RAB27B: variants seen among roughly 807,000 people sequenced by gnomAD.
The protein encoded by RAB27B is ras-related protein Rab-27B.
In RAB27B, 15 loss-of-function variants were observed where a neutral mutation model predicts 24.6. The ratio of observed to expected loss-of-function variants is 0.61; its 90% CI spans 0.41 to 0.94. The LOEUF (loss-of-function observed/expected upper bound fraction) is 0.94. Ranked by LOEUF, RAB27B falls within the 40% of genes least tolerant of loss-of-function variation. RAB27B has a pLI of 0.00. For missense variants in RAB27B, 261 were observed against 266.8 expected (o/e 0.98, Z 0.15); for synonymous variants, 105 against 92.5 (o/e 1.14, Z -0.78).
intron 2 of RAB27B, among the ~76,000 whole-genome samples, chr18:54,757,672 G>A (rs1908050731): frequency 6.6e-6 from 1 of 151,974 alleles, no homozygotes; most frequent in South Asian, 2.1e-4. Context: ...TGATAAAATT[G>A]GGACAAAAAA....
chr18:54,863,199 A>G (rs1487872011), intron 1 of RAB27B, among the ~76,000 whole-genome samples: 6 of 152,216 alleles, frequency 3.9e-5, no homozygotes, highest in African/African-American at 7.2e-5. Flanking sequence ...AAATACATAG[A>G]TTATTAAAGG....
intron 2 of RAB27B, among the ~76,000 whole-genome samples, chr18:54,819,531 C>CAAAAAAAAA (rs33940922): frequency 1.5e-5 from 1 of 65,180 alleles, no homozygotes; most frequent in African/African-American, 6.3e-5. Context: ...GACTCCATCT[C>CAAAAAAAAA]AAAAAAAAAA....
chr18:54,820,070 C>T (rs183141003), intron 2 of RAB27B, among the ~76,000 whole-genome samples: 130 of 152,146 alleles, frequency 8.5e-4, no homozygotes, highest in African/African-American at 2.9e-3. Flanking sequence ...AATAGTGCTG[C>T]GATAAACATA....
At chr18:54,723,620 A>C (rs2144976020) in intron 2 of RAB27B, among the ~76,000 whole-genome samples, 1 of 152,010 alleles carries the variant, frequency 6.6e-6, no homozygotes, top group African/African-American at 2.4e-5. Flanking sequence ...AGATAGCTAG[A>C]GAATTAGATA....
intron 2 of RAB27B, among the ~76,000 whole-genome samples, chr18:54,718,613 G>T (rs547492743): frequency 6.6e-6 from 1 of 152,120 alleles, no homozygotes; most frequent in South Asian, 2.1e-4. Context: ...AATCTAGTTT[G>T]CTTTTTCTTA....
At chr18:54,776,980 G>C (rs962516676) in intron 2 of RAB27B, among the ~76,000 whole-genome samples, 5 of 152,166 alleles carry the variant, frequency 3.3e-5, no homozygotes, top group Non-Finnish European at 7.3e-5. Context: ...GGGAGGCAGA[G>C]GTTGCAGTGA....
chr18:54,785,850 A>T (rs1041333714), intron 2 of RAB27B, among the ~76,000 whole-genome samples: 30 of 152,224 alleles, frequency 2.0e-4, no homozygotes, highest in African/African-American at 7.2e-4. Flanking sequence ...TGTCTTATTT[A>T]TCAGCCATCT....
rs140341497 is a variant in RAB27B at position 54,867,740 on chromosome 18, C to T, written c.-19-9827C>T. 7.2e-4 allele frequency among the ~76,000 whole-genome samples: 109 copies of T among 152,200 alleles called. 2 individuals are homozygous for T. The highest frequency in any genetic ancestry group is 2.1e-3 in the African/African-American group (89 of 41,516). On this transcript the variant is annotated intron_variant, in intron 1 of 5. Transcript: ENST00000262094. ...GATTACAGGCGTGAGCCACCATGCC[C>T]GGCCACCTGGTGCTTTTATGTCTTA... is the stretch of plus-strand genomic sequence containing the variant.
chr18:54,877,598 G>C lies in RAB27B; in HGVS notation c.13G>C (p.Asp5His), dbSNP rs750641827. MTDG[D>H]YDYLIKLLAL... Reference sequence around the variant, plus strand: ...CAAGACCATCACTATGACCGATGGAGACTATGATTATCTGATCAAACTCCT... The same window carrying C: ...CAAGACCATCACTATGACCGATGGACACTATGATTATCTGATCAAACTCCT... The change falls in exon 2 of 6, where the codon GAC (aspartate) becomes CAC (histidine). Residue 5 changes from aspartate to histidine, a missense_variant. Physicochemically the swap from Asp to His is moderately conservative, Grantham distance 81 (BLOSUM62 -1). Transcript: ENST00000262094. The C allele has an allele frequency of 6.4e-7, 1 of 1,564,070 alleles. No homozygotes were observed. Among genetic ancestry groups the C allele is most frequent in the South Asian group, 1.2e-5 (1 of 80,752 alleles).
intron 1 of RAB27B, among the ~76,000 whole-genome samples, chr18:54,852,128 T>A (rs1911611956): frequency 6.6e-6 from 1 of 152,156 alleles, no homozygotes; most frequent in South Asian, 2.1e-4. Flanking sequence ...TTGCAACACT[T>A]GTTACAAAGA....
At chr18:54,813,639 G>A (rs1187452814) in intron 2 of RAB27B, among the ~76,000 whole-genome samples, 1 of 152,124 alleles carries the variant, frequency 6.6e-6, no homozygotes, top group African/African-American at 2.4e-5. Flanking sequence ...AGTAGATGCT[G>A]GTGCCATGCT....
intron 2 of RAB27B, among the ~76,000 whole-genome samples, chr18:54,814,517 G>T (rs750430447): frequency 2.6e-5 from 4 of 152,128 alleles, no homozygotes; most frequent in Non-Finnish European, 5.9e-5. Context: ...TGATCCCACT[G>T]TATCTGAGTA....
At chr18:54,771,843 G>C (rs1217846413) in intron 2 of RAB27B, among the ~76,000 whole-genome samples, 1 of 152,084 alleles carries the variant, frequency 6.6e-6, no homozygotes, top group Non-Finnish European at 1.5e-5. Flanking sequence ...AGCAGCCTTG[G>C]ATACTGTGAT....
chr18:54,808,217 T>TCACC lies in RAB27B; in HGVS notation c.-19-69348_-19-69347insCCCA, dbSNP rs552585651. Among the ~76,000 whole-genome samples, 60 of 152,322 alleles carry TCACC rather than the reference T, an allele frequency of 3.9e-4. 1 individual carries two copies. The highest frequency in any genetic ancestry group is 1.4e-3 in the African/African-American group (58 of 41,582). ...GGTAACACACATTCCCTGTATCTGA[T>TCACC]CAGTTTCCCTCTTACTCAGGCTTGG... is the stretch of plus-strand genomic sequence containing the variant. On this transcript the variant is annotated intron_variant, in intron 2 of 4. Transcript: ENST00000586570.
intron 2 of RAB27B, among the ~76,000 whole-genome samples, chr18:54,822,694 TTCTTC>T (rs1351501445): frequency 1.3e-4 from 20 of 150,184 alleles, no homozygotes; most frequent in Admixed American, 1.3e-3. Flanking sequence ...TTTATAACTT[TTCTTC>T]TCTTTAACTA....
intron 2 of RAB27B, among the ~76,000 whole-genome samples, chr18:54,755,164 C>T (rs1046167673): frequency 1.3e-5 from 2 of 152,046 alleles, no homozygotes; most frequent in Non-Finnish European, 2.9e-5. Flanking sequence ...CCCAGGCAGG[C>T]GGATCACCCG....
At chr18:54,768,481 T>G (rs188182387) in intron 2 of RAB27B, among the ~76,000 whole-genome samples, 357 of 152,270 alleles carry the variant, frequency 2.3e-3, no homozygotes, top group Non-Finnish European at 4.2e-3. Context: ...CTAAAAGTGG[T>G]CATATGCAGG....
Position 54,764,166 on chromosome 18 carries a change from C to T in RAB27B, c.-20+46025C>T, listed in dbSNP as rs759016131. Among the ~76,000 whole-genome samples, 76 of 152,268 alleles carry T rather than the reference C, an allele frequency of 5.0e-4. 1 individual carries two copies. The highest frequency in any genetic ancestry group is 3.4e-3 in the Middle Eastern group (1 of 294). On this transcript the variant is annotated intron_variant, in intron 2 of 4. Transcript: ENST00000586570. ...TAGCTTTCCCTAGATGTCATTGACC[C>T]TGTGTTTACCATCTTTGCATTGCCT...
intron 2 of RAB27B, chr18:54,744,734 G>T (rs767826233): frequency 6.5e-6 from 1 of 153,468 alleles, no homozygotes; most frequent in Admixed American, 6.5e-5. Context: ...AGAACTTAAA[G>T]GGAAACTTTT....
Sources: allele counts gnomAD v4.1 joint callset (sites outside exome capture counted in the v4.1 genomes callset), GRCh38; gene constraint gnomAD v4.1.1; transcripts MANE v1.5; gene names NCBI Gene and HGNC (gene_info 2026-07-23, HGNC 2026-07-21).